Variants in PDE10A observed in about 807,000 individuals in gnomAD.
PDE10A encodes cAMP and cAMP-inhibited cGMP 3',5'-cyclic phosphodiesterase 10A.
Under a neutral mutation model 97.7 loss-of-function variants are expected in PDE10A, and 39 were observed. The ratio of observed to expected loss-of-function variants is 0.40; its 90% CI spans 0.31 to 0.52. PDE10A has a LOEUF of 0.52. PDE10A is among the 20% of genes least tolerant of loss of function. The pLI is 0.56. For synonymous variants in PDE10A, 371 were observed against 376.8 expected (o/e 0.98, Z 0.18); for missense variants, 731 against 1,047.8 (o/e 0.70, Z 4.17).
At chr6:165,410,896 G>A (rs1015769929) in intron 13 of PDE10A, among the ~76,000 whole-genome samples, 4 of 128,278 alleles carry the variant, frequency 3.1e-5, no homozygotes, top group Non-Finnish European at 6.5e-5. Context: ...AGACCATCCT[G>A]GCTAACACGG....
At position 165,951,707 on chromosome 6, in the gene PDE10A, C is replaced by T. The variant is rs757034096; in HGVS notation, c.-615+35822G>A. On this transcript the variant is annotated intron_variant, in intron 1 of 19. Transcript: ENST00000366882. ...TTCTCCAGCACTGTCCTCTGCCTGC[C>T]GTTTCTTCTAGTTTAATTTTTTAGG... Among the ~76,000 whole-genome samples the T allele has an allele frequency of 9.9e-5, 15 of 152,250 alleles. No individual in the cohort carries two copies. In the East Asian group the frequency reaches 1.4e-3, roughly 14 times the overall value.
intron 13 of PDE10A, among the ~76,000 whole-genome samples, chr6:165,397,552 A>AC (rs1786264138): frequency 6.6e-6 from 1 of 152,066 alleles, no homozygotes; most frequent in African/African-American, 2.4e-5. Flanking sequence ...TCTACTAAAA[A>AC]ATAGAAAAAT....
chr6:165,723,919 T>C (rs1295151384), intron 1 of PDE10A, among the ~76,000 whole-genome samples: 2 of 152,214 alleles, frequency 1.3e-5, no homozygotes, highest in East Asian at 3.9e-4. Context: ...TCCTGAGAGA[T>C]GCTGAAAAAG....
intron 1 of PDE10A, among the ~76,000 whole-genome samples, chr6:165,563,265 A>G (rs1278228573): frequency 2.0e-5 from 3 of 150,140 alleles, no homozygotes; most frequent in African/African-American, 4.9e-5. Flanking sequence ...GGAGGGAGGA[A>G]GGAGGGAAGG....
At chr6:165,808,590 G>A (rs1779200278) in intron 1 of PDE10A, among the ~76,000 whole-genome samples, 1 of 152,168 alleles carries the variant, frequency 6.6e-6, no homozygotes, top group South Asian at 2.1e-4. Flanking sequence ...TCTCTTGCTG[G>A]AATTATGCTC....
intron 1 of PDE10A, among the ~76,000 whole-genome samples, chr6:165,669,691 C>T (rs1451698392): frequency 1.3e-5 from 2 of 152,198 alleles, no homozygotes; most frequent in East Asian, 1.9e-4. Flanking sequence ...TCCAACACTC[C>T]TATCTGTATA....
intron 2 of PDE10A, among the ~76,000 whole-genome samples, chr6:165,513,460 T>C (rs1781620429): frequency 6.6e-6 from 1 of 152,142 alleles, no homozygotes; most frequent in African/African-American, 2.4e-5. Context: ...TTTTGAATCA[T>C]GTAATGCAAA....
intron 1 of PDE10A, among the ~76,000 whole-genome samples, chr6:165,783,172 G>A (rs561100662): frequency 4.6e-5 from 7 of 152,318 alleles, no homozygotes; most frequent in East Asian, 1.9e-4. Flanking sequence ...TAGATGCTAT[G>A]CCTGAAGCCC....
intron 1 of PDE10A, among the ~76,000 whole-genome samples, chr6:165,607,941 G>GGGAAC (rs2128399551): frequency 6.6e-6 from 1 of 151,950 alleles, no homozygotes; most frequent in South Asian, 2.1e-4. Flanking sequence ...AGAACAGAAG[G>GGGAAC]GGAACGACCC....
In PDE10A at chr6:165,662,026, G is replaced by A. The variant is rs1269728911; in HGVS notation, c.786C>T (p.Leu262=). ...SFALAAAAAL[L]FGSDMEDGPS... ...GTCCATCTTCCATGTCGGAGCCGAAGAGCAGCGCGGCCGCGGCGGCGAGGG... is the reference window on the plus strand; with the variant it reads ...GTCCATCTTCCATGTCGGAGCCGAAAAGCAGCGCGGCCGCGGCGGCGAGGG... Residue 262 remains leucine (L), a synonymous_variant, in exon 1 of 22, where the codon CTC becomes CTT. Transcript: ENST00000539869. 2.7e-6 allele frequency: 4 copies of A among 1,497,088 alleles called. No homozygotes were observed. Among genetic ancestry groups the A allele is most frequent in the East Asian group, 5.6e-5 (2 of 35,890 alleles). 92.7% of individuals were successfully genotyped at this position (1,497,088 alleles called of 1,614,324 possible). A position where few individuals can be genotyped will look rare whatever the true frequency, so the allele number is the denominator to read the frequency against.
chr6:165,582,319 A>G (rs927187084), intron 1 of PDE10A, among the ~76,000 whole-genome samples: 3 of 152,208 alleles, frequency 2.0e-5, no homozygotes, highest in Non-Finnish European at 4.4e-5. Context: ...CCAAAAATCA[A>G]AAGTCACAAC....
At chr6:165,667,680 G>A (rs537352745), upstream of PDE10A, among the ~76,000 whole-genome samples, 9 of 149,656 alleles carry the variant, frequency 6.0e-5, no homozygotes, top group South Asian at 8.4e-4. Context: ...TGACAGAAAC[G>A]TGTGTTTCTT....
intron 1 of PDE10A, among the ~76,000 whole-genome samples, chr6:165,585,670 C>A (rs1055187734): frequency 2.6e-5 from 4 of 152,124 alleles, no homozygotes; most frequent in Admixed American, 6.6e-5. Flanking sequence ...CCTGCCAATA[C>A]CCTGATTCCA....
At chr6:165,983,493 C>G (rs1386126894) in intron 1 of PDE10A, among the ~76,000 whole-genome samples, 3 of 152,182 alleles carry the variant, frequency 2.0e-5, no homozygotes. Flanking sequence ...CTCTAGGCAG[C>G]CTATATGCCT....
intron 2 of PDE10A, among the ~76,000 whole-genome samples, chr6:165,520,148 G>C (rs1782046973): frequency 6.6e-6 from 1 of 152,146 alleles, no homozygotes; most frequent in Non-Finnish European, 1.5e-5. Context: ...ACACCATCAA[G>C]TTCCTTCTAG....
intron 1 of PDE10A, among the ~76,000 whole-genome samples, chr6:165,791,141 G>T (rs895507583): frequency 4.6e-5 from 7 of 151,862 alleles, no homozygotes; most frequent in South Asian, 4.2e-4. Flanking sequence ...AGAGATGGGG[G>T]TCTCACTATG....
intron 1 of PDE10A, among the ~76,000 whole-genome samples, chr6:165,887,962 C>T (rs1781674112): frequency 6.6e-6 from 1 of 152,160 alleles, no homozygotes; most frequent in African/African-American, 2.4e-5. Context: ...CATCTCTTAC[C>T]TCACCCTGTT....
At chr6:165,578,037 C>T (rs79674681) in intron 1 of PDE10A, among the ~76,000 whole-genome samples, 1,618 of 152,314 alleles carry the variant, frequency 0.011, 39 homozygotes, top group African/African-American at 0.037. Flanking sequence ...GGAGTGCCCA[C>T]TGGGTGAGCC....
Position 165,375,171 on chromosome 6 carries a change from C to G in PDE10A, c.2783+4023G>C, listed in dbSNP as rs139641194. ...GTTCAAGTGAAAAAAAGTCATATGT[C>G]TCTCACTTTAAATCAAAAGCTAGAA... On this transcript the variant is annotated intron_variant, in intron 18 of 21. Coordinates refer to ENST00000539869, the MANE Select transcript of PDE10A (RefSeq NM_001385079.1). Among the ~76,000 whole-genome samples the G allele has an allele frequency of 2.9e-3, 442 of 152,248 alleles. 3 individuals carry two copies. The highest frequency in any genetic ancestry group is 5.0e-3 in the Non-Finnish European group (337 of 68,026).
Sources: gnomAD v4.1 joint callset for allele counts (sites outside exome capture counted in the v4.1 genomes callset) on GRCh38, gnomAD v4.1.1 for gene constraint, MANE v1.5 for transcripts, NCBI Gene and HGNC (gene_info 2026-07-23, HGNC 2026-07-21) for gene names.